WDR72: variants seen among roughly 807,000 people sequenced by gnomAD.
WDR72 encodes the protein WD repeat domain 72.
A neutral mutation model predicts 124.2 loss-of-function variants in WDR72; 120 were observed. The observed-to-expected ratio is 0.97, with a 90% CI of 0.83 to 1.12. WDR72 has a LOEUF of 1.12. Ranked by LOEUF, WDR72 falls within the 50% of genes most tolerant of loss-of-function variation. The probability of loss-of-function intolerance (pLI) is 0.00; values close to 1 mark genes in which losing one functional copy is unlikely to be tolerated. For synonymous variants in WDR72, 452 were observed against 441.7 expected (o/e 1.02, Z -0.29); for missense variants, 1,387 against 1,278.8 (o/e 1.08, Z -1.29).
Position 53,515,472 on chromosome 15 carries a change from T to TAAAC in WDR72, c.*2223_*2226dup, listed in dbSNP as rs1891411379. On this transcript the variant is annotated 3_prime_UTR_variant, in exon 20 of 20. Transcript: ENST00000360509. ...TAAACAGACTAGTGAATTTGTGTCA[T>TAAAC]AAACACACTTGCGTATGGATATTAG... is the stretch of plus-strand genomic sequence containing the variant. 6.6e-6 allele frequency: 1 copy of TAAAC among 152,198 alleles called. No individual in the cohort carries two copies. Among genetic ancestry groups the TAAAC allele is most frequent in the Non-Finnish European group, 1.5e-5 (1 of 68,030 alleles). The allele number at this position is 152,198 out of a possible 1,614,324, so 9.4% of individuals were successfully genotyped here.
intron 14 of WDR72, among the ~76,000 whole-genome samples, chr15:53,627,360 C>G (rs140365362): frequency 6.6e-6 from 1 of 152,154 alleles, no homozygotes; most frequent in African/African-American, 2.4e-5. Flanking sequence ...AAAATTAGTA[C>G]GTAAACACTC....
chr15:53,681,551 T>A (rs2016384719), intron 13 of WDR72, among the ~76,000 whole-genome samples: 1 of 152,152 alleles, frequency 6.6e-6, no homozygotes, highest in Non-Finnish European at 1.5e-5. Flanking sequence ...TAAAACTGAT[T>A]ACAGCCAGTA....
intron 18 of WDR72, among the ~76,000 whole-genome samples, chr15:53,575,411 C>G (rs1346717118): frequency 6.6e-6 from 1 of 152,188 alleles, no homozygotes; most frequent in African/African-American, 2.4e-5. Flanking sequence ...CATGATTGTT[C>G]TGCAAATAAA....
chr15:53,657,476 C>G (rs1466161802), intron 14 of WDR72, among the ~76,000 whole-genome samples: 3 of 151,928 alleles, frequency 2.0e-5, no homozygotes, highest in Admixed American at 6.6e-5. Flanking sequence ...CTAGATCAAG[C>G]TAAACACAAA....
At position 53,647,157 on chromosome 15, in the gene WDR72, A is replaced by G. The variant is rs115171433; in HGVS notation, c.1962+18415T>C. ...TAACTCCATGTGAAAAATGGAAAAG[A>G]TGTGTTCAATTGTTATGAAATCACA... is the stretch of plus-strand genomic sequence containing the variant. On this transcript the variant is annotated intron_variant, in intron 14 of 19. Transcript: ENST00000360509. Among the ~76,000 whole-genome samples, 443 of 152,274 alleles carry G rather than the reference A, an allele frequency of 2.9e-3. 2 individuals carry two copies. Among genetic ancestry groups the G allele is most frequent in the African/African-American group, 0.01 (419 of 41,566 alleles).
chr15:53,611,990 T>C (rs909364273), intron 16 of WDR72, among the ~76,000 whole-genome samples: 4 of 152,094 alleles, frequency 2.6e-5, no homozygotes, highest in African/African-American at 9.7e-5. Context: ...GGAGGCAACA[T>C]GTGCATTGTA....
Position 53,716,275 on chromosome 15 carries a change from T to C in WDR72, c.339+332A>G, listed in dbSNP as rs192632047. 1.2e-3 allele frequency among the ~76,000 whole-genome samples: 190 copies of C among 152,302 alleles called. 1 individual carries two copies. Among genetic ancestry groups the C allele is most frequent in the African/African-American group, 4.0e-3 (167 of 41,584 alleles). On this transcript the variant is annotated intron_variant, in intron 4 of 19. Coordinates refer to ENST00000360509, the MANE Select transcript of WDR72 (RefSeq NM_182758.4). ...GGAGAAAAAAACTGTGTGTGCTTTA[T>C]AAGACAGCACATCATTAAAACTGAA...
chr15:53,525,727 C>G (rs1198248551), intron 18 of WDR72, among the ~76,000 whole-genome samples: 1 of 151,976 alleles, frequency 6.6e-6, no homozygotes, highest in Non-Finnish European at 1.5e-5. Flanking sequence ...TTGCTTCCAC[C>G]TCTGATTTTG....
At chr15:53,526,859 A>G (rs59621113) in intron 18 of WDR72, among the ~76,000 whole-genome samples, 7,549 of 152,102 alleles carry the variant, frequency 0.05, 421 homozygotes, top group African/African-American at 0.14. Context: ...TCCACATTTG[A>G]AGGTAAGGGG....
intron 18 of WDR72, among the ~76,000 whole-genome samples, chr15:53,580,330 C>T (rs2140316654): frequency 6.6e-6 from 1 of 152,098 alleles, no homozygotes; most frequent in East Asian, 1.9e-4. Flanking sequence ...TCTTCAGGGG[C>T]CACTAAAATG....
rs1891411135 is a variant in WDR72, at chr15:53,515,468, G to A, written c.*2231C>T. The A allele has an allele frequency of 6.6e-6, 1 of 152,178 alleles. No individual in the cohort carries two copies. The highest frequency in any genetic ancestry group is 2.4e-5 in the African/African-American group (1 of 41,456). The allele number at this position is 152,178 out of a possible 1,614,324, so 9.4% of individuals were successfully genotyped here. ...TTTTTAAACAGACTAGTGAATTTGTGTCATAAACACACTTGCGTATGGATA... is the reference window on the plus strand; with the variant it reads ...TTTTTAAACAGACTAGTGAATTTGTATCATAAACACACTTGCGTATGGATA... On this transcript the variant is annotated 3_prime_UTR_variant, in exon 20 of 20. Coordinates refer to ENST00000360509, the MANE Select transcript of WDR72 (RefSeq NM_182758.4).
intron 17 of WDR72, among the ~76,000 whole-genome samples, chr15:53,608,746 A>C (rs2013398944): frequency 6.6e-6 from 1 of 151,984 alleles, no homozygotes; most frequent in Admixed American, 6.6e-5. Flanking sequence ...ACAGAGCGAG[A>C]TCCTTTCTCA....
intron 18 of WDR72, among the ~76,000 whole-genome samples, chr15:53,586,997 C>T (rs2012245860): frequency 6.6e-6 from 1 of 151,856 alleles, no homozygotes; most frequent in Non-Finnish European, 1.5e-5. Context: ...TGGTACTGCC[C>T]CCTAGGGGGA....
At chr15:53,744,442 C>A (rs532782766) in intron 1 of WDR72, among the ~76,000 whole-genome samples, 1 of 152,150 alleles carries the variant, frequency 6.6e-6, no homozygotes, top group South Asian at 2.1e-4. Flanking sequence ...CTGACTGTTG[C>A]GCACTCACAG....
At chr15:53,587,758 T>C (rs1001215891) in intron 18 of WDR72, among the ~76,000 whole-genome samples, 1 of 152,046 alleles carries the variant, frequency 6.6e-6, no homozygotes, top group Non-Finnish European at 1.5e-5. Flanking sequence ...CATATTCAGT[T>C]ACCAAAGAGT....
At chr15:53,695,865 A>T (rs1325469804) in intron 13 of WDR72, among the ~76,000 whole-genome samples, 1 of 152,208 alleles carries the variant, frequency 6.6e-6, no homozygotes, top group Non-Finnish European at 1.5e-5. Context: ...ATAGGCTCTT[A>T]TAAAGTATTC....
intron 12 of WDR72, among the ~76,000 whole-genome samples, chr15:53,701,092 T>A (rs185266717): frequency 1.3e-5 from 2 of 152,290 alleles, no homozygotes; most frequent in Non-Finnish European, 2.9e-5. Flanking sequence ...CATGTTTTTT[T>A]TAAGTCAACT....
intron 18 of WDR72, among the ~76,000 whole-genome samples, chr15:53,533,743 G>A (rs988994006): frequency 1.3e-5 from 2 of 152,056 alleles, no homozygotes; most frequent in African/African-American, 2.4e-5. Flanking sequence ...TACTGCATTT[G>A]TGCCTCCGCA....
At chr15:53,538,291 T>C (rs1595741624) in intron 18 of WDR72, among the ~76,000 whole-genome samples, 1 of 152,348 alleles carries the variant, frequency 6.6e-6, no homozygotes, top group Admixed American at 6.5e-5. Context: ...TATAATCTTT[T>C]ATATTTCAAA....
Sources: gnomAD v4.1 joint callset for allele counts (sites outside exome capture counted in the v4.1 genomes callset) on GRCh38, gnomAD v4.1.1 for gene constraint, MANE v1.5 for transcripts, NCBI Gene and HGNC (gene_info 2026-07-23, HGNC 2026-07-21) for gene names.